The following TYW1B variants were observed in gnomAD, a reference collection of about 807,000 sequenced individuals.
The protein encoded by TYW1B is S-adenosyl-L-methionine-dependent tRNA 4-demethylwyosine synthase TYW1B.
A neutral mutation model predicts 86.9 loss-of-function variants in TYW1B; 73 were observed. The observed-to-expected ratio is 0.84, with a 90% CI of 0.70 to 1.02. The LOEUF is 1.02. Ranked by LOEUF, TYW1B falls within the 50% of genes least tolerant of loss-of-function variation. The pLI is 0.00. For missense variants in TYW1B, 637 were observed against 827.4 expected (o/e 0.77, Z 2.82); for synonymous variants, 248 against 292.8 (o/e 0.85, Z 1.56).
intron 13 of TYW1B, among the ~76,000 whole-genome samples, chr7:72,613,945 G>A (rs1172435383): frequency 7.3e-6 from 1 of 136,210 alleles, no homozygotes; most frequent in African/African-American, 2.7e-5. Flanking sequence ...AAAGGACCAT[G>A]ACCAATGCAA....
chr7:72,731,971 A>T (rs1368264100), intron 8 of TYW1B, among the ~76,000 whole-genome samples: 2 of 152,132 alleles, frequency 1.3e-5, no homozygotes, highest in African/African-American at 2.4e-5. Flanking sequence ...TAAAAAAAGC[A>T]AGCAAGAGTA....
At chr7:72,738,529 T>C (rs6948163) in intron 8 of TYW1B, among the ~76,000 whole-genome samples, 105,731 of 152,024 alleles carry the variant, frequency 0.7, 37,637 homozygotes, top group Non-Finnish European at 0.77. Flanking sequence ...CACTGTCCTA[T>C]GCATTAGGGA....
intron 12 of TYW1B, among the ~76,000 whole-genome samples, chr7:72,621,024 A>C (rs1263662915): frequency 2.0e-5 from 3 of 152,156 alleles, no homozygotes; most frequent in African/African-American, 7.2e-5. Context: ...CTGCCCTAGG[A>C]GATGGGGGCT....
intron 11 of TYW1B, among the ~76,000 whole-genome samples, chr7:72,685,987 C>G (rs1326691445): frequency 6.6e-6 from 1 of 152,142 alleles, no homozygotes; most frequent in Non-Finnish European, 1.5e-5. Context: ...AAGACCATAA[C>G]AGACATCTCT....
At position 72,666,339 on chromosome 7, in the gene TYW1B, T is replaced by C. The variant is rs186341138; in HGVS notation, c.1506+28348A>G. 6.2e-4 allele frequency among the ~76,000 whole-genome samples: 95 copies of C among 152,114 alleles called. 1 individual carries two copies. In the East Asian group the frequency reaches 0.016, roughly 26 times the overall value. ...TATTTGGGAGGCTGAGGTGGGAAGA[T>C]TGCTTAAGCCCAGGAGGCGGAGGCT... is the stretch of plus-strand genomic sequence containing the variant. On this transcript the variant is annotated intron_variant, in intron 11 of 13. Transcript: ENST00000620995.
chr7:72,723,583 G>A (rs1168251007), intron 9 of TYW1B, among the ~76,000 whole-genome samples: 3 of 152,132 alleles, frequency 2.0e-5, no homozygotes, highest in African/African-American at 4.8e-5. Context: ...ACTGGGCAAC[G>A]TAGTGAGACC....
chr7:72,782,570 C>T (rs114390644), intron 6 of TYW1B, among the ~76,000 whole-genome samples: 2 of 152,066 alleles, frequency 1.3e-5, no homozygotes, highest in South Asian at 4.1e-4. Context: ...CTTTTCTTAT[C>T]AATTCCTATA....
chr7:72,827,512 A>T (rs1788956702), intron 1 of TYW1B, among the ~76,000 whole-genome samples: 1 of 152,212 alleles, frequency 6.6e-6, no homozygotes, highest in South Asian at 2.1e-4. Flanking sequence ...AACAGAATAT[A>T]AAACTGTATC....
intron 8 of TYW1B, among the ~76,000 whole-genome samples, chr7:72,738,866 T>C (rs1448921501): frequency 6.6e-6 from 1 of 151,802 alleles, no homozygotes; most frequent in Non-Finnish European, 1.5e-5. Flanking sequence ...AGGCCAAGAG[T>C]TCGAGACCAG....
chr7:72,800,200 C>CT lies in TYW1B; in HGVS notation c.846+2199dup, dbSNP rs202041917. Among the ~76,000 whole-genome samples, 435 of 142,640 alleles carry CT rather than the reference C, an allele frequency of 3.0e-3. 2 individuals carry two copies. The highest frequency in any genetic ancestry group is 4.1e-3 in the African/African-American group (161 of 39,104). 93.6% of individuals were successfully genotyped at this position (142,640 alleles called of 152,430 possible). On this transcript the variant is annotated intron_variant, in intron 6 of 13. Transcript: ENST00000620995. ...ATACAAGCTAACAGATGTTTCACATCTTTTTTTTTTTTTTTGAAACAAGGT... is the reference window on the plus strand; with the variant it reads ...ATACAAGCTAACAGATGTTTCACATCTTTTTTTTTTTTTTTTGAAACAAGGT...
intron 8 of TYW1B, among the ~76,000 whole-genome samples, chr7:72,741,974 A>G (rs1787312103): frequency 6.6e-6 from 1 of 152,206 alleles, no homozygotes; most frequent in South Asian, 2.1e-4. Flanking sequence ...CTGCCCTACG[A>G]TAAATGCTAA....
rs533168112 is a variant in TYW1B at position 72,810,508 on chromosome 7, C to G, written c.395G>C (p.Gly132Ala). ...GCTAGCATAGGCAGAATTTCCCAGG[C>G]CAAATACCGCATCTCTCATACCCTT... is the stretch of plus-strand genomic sequence containing the variant. Reference protein sequence around the residue: ...YLKGMRDAVFGLGNSAYASHF... With the variant: ...YLKGMRDAVFALGNSAYASHF... The change falls in exon 4 of 14, where the codon GGC (glycine) becomes GCC (alanine). Residue 132 changes from glycine (G) to alanine (A), a missense_variant. Coordinates refer to ENST00000620995, the MANE Select transcript of TYW1B (RefSeq NM_001145440.3). The G allele has an allele frequency of 6.2e-7, 1 of 1,613,766 alleles. No individual in the cohort carries two copies. Among genetic ancestry groups the G allele is most frequent in the Non-Finnish European group, 8.5e-7 (1 of 1,179,816 alleles).
rs1202854462 is a variant in TYW1B at position 72,632,312 on chromosome 7, T to TTA, written c.1507-3317_1507-3316dup. ...ATATATATATATACGTGTATATATA[T>TTA]TATATATATTATATATATATACACG... On this transcript the variant is annotated intron_variant, in intron 11 of 13. Coordinates refer to ENST00000620995, the MANE Select transcript of TYW1B (RefSeq NM_001145440.3). Among the ~76,000 whole-genome samples the TTA allele has an allele frequency of 8.0e-5, 7 of 87,004 alleles. No homozygotes were observed. In the East Asian group the frequency reaches 2.7e-3, roughly 34 times the overall value. 57.1% of individuals were successfully genotyped at this position (87,004 alleles called of 152,430 possible). A position where few individuals can be genotyped will look rare whatever the true frequency, so the allele number is the denominator to read the frequency against.
chr7:72,714,605 A>C (rs1161443182), intron 9 of TYW1B, among the ~76,000 whole-genome samples: 1 of 151,762 alleles, frequency 6.6e-6, no homozygotes, highest in Non-Finnish European at 1.5e-5. Context: ...CCTGGATGAC[A>C]GAGCAAGGCC....
chr7:72,578,872 T>C (rs1215318618), intron 13 of TYW1B, among the ~76,000 whole-genome samples: 3 of 152,142 alleles, frequency 2.0e-5, no homozygotes, highest in Admixed American at 6.5e-5. Flanking sequence ...AAGACAGAGA[T>C]GACCATTCTC....
chr7:72,738,329 T>C (rs1412754667), intron 8 of TYW1B, among the ~76,000 whole-genome samples: 4 of 146,968 alleles, frequency 2.7e-5, no homozygotes, highest in Non-Finnish European at 4.5e-5. Flanking sequence ...GTGATCCGCC[T>C]GCCTCAGCCT....
At chr7:72,811,171 T>C (rs1158899184) in intron 3 of TYW1B, among the ~76,000 whole-genome samples, 5 of 147,480 alleles carry the variant, frequency 3.4e-5, no homozygotes, top group Non-Finnish European at 5.9e-5. Flanking sequence ...CTCAGGAGGC[T>C]AAGCCAAGAG....
chr7:72,694,765 G>A lies in TYW1B; in HGVS notation c.1428C>T (p.Ser476=). Reference sequence around the variant, plus strand: ...AGAGTGGGCGGTCGATTTTCTTCAGGCTGTCTTTGGTACTGGCATCCACAC... The same window carrying A: ...AGAGTGGGCGGTCGATTTTCTTCAGACTGTCTTTGGTACTGGCATCCACAC... ...YVSVDASTKD[S]LKKIDRPLFK... is the part of the protein sequence containing the mutation. The change falls in exon 11 of 14, where the codon AGC becomes AGT. Residue 476 remains serine, a synonymous_variant. Transcript: ENST00000620995. 2 of 1,613,812 alleles carry A rather than the reference G, an allele frequency of 1.2e-6. No individual in the cohort carries two copies. The highest frequency in any genetic ancestry group is 2.2e-5 in the South Asian group (2 of 91,010).
Position 72,650,414 on chromosome 7 carries a change from G to A in TYW1B, c.1507-21417C>T, listed in dbSNP as rs184558728. Among the ~76,000 whole-genome samples, 125 of 152,262 alleles carry A rather than the reference G, an allele frequency of 8.2e-4. 2 individuals carry two copies. The East Asian group carries it at 0.02, about 24-fold the overall frequency. ...CTTTATGTCTGACACATAAGAAAGTGAATCTGGAATGATAGGAAGATGAGC... is the reference window on the plus strand; with the variant it reads ...CTTTATGTCTGACACATAAGAAAGTAAATCTGGAATGATAGGAAGATGAGC... On this transcript the variant is annotated intron_variant, in intron 11 of 13. Transcript: ENST00000620995.
Sources: allele counts gnomAD v4.1 joint callset (sites outside exome capture counted in the v4.1 genomes callset), GRCh38; gene constraint gnomAD v4.1.1; transcripts MANE v1.5; gene names NCBI Gene and HGNC (gene_info 2026-07-23, HGNC 2026-07-21).